Variants in CNTNAP2 observed in about 807,000 individuals in gnomAD.
CNTNAP2 encodes the protein contactin associated protein 2.
In CNTNAP2, 98 loss-of-function variants were observed where a neutral mutation model predicts 155.2. That is an observed-to-expected ratio of 0.63 (90% confidence interval 0.54 to 0.75). The LOEUF (loss-of-function observed/expected upper bound fraction) is 0.75, where lower values mean the gene tolerates loss of function less well. Ranked by LOEUF, CNTNAP2 falls within the 30% of genes least tolerant of loss-of-function variation. The probability of loss-of-function intolerance (pLI) is 0.00; values close to 1 mark genes in which losing one functional copy is unlikely to be tolerated. For synonymous variants in CNTNAP2, 651 were observed against 631.2 expected, an observed-to-expected ratio of 1.03 and a Z score of -0.47; for missense variants, 1,727 against 1,688.1, an observed-to-expected ratio of 1.02 and a Z score of -0.40.
intron 9 of CNTNAP2, among the ~76,000 whole-genome samples, chr7:147,307,651 C>T (rs1035080253): frequency 6.6e-6 from 1 of 152,172 alleles, no homozygotes. Flanking sequence ...AATATAAGTC[C>T]TTAAACTCAA....
At chr7:147,812,238 C>T (rs1383924159) in intron 13 of CNTNAP2, among the ~76,000 whole-genome samples, 2 of 152,028 alleles carry the variant, frequency 1.3e-5, no homozygotes, top group Non-Finnish European at 1.5e-5. Context: ...GGAAGGAGGC[C>T]GGTGTTCAGG....
At chr7:147,256,093 G>A (rs1804318930) in intron 8 of CNTNAP2, among the ~76,000 whole-genome samples, 2 of 152,114 alleles carry the variant, frequency 1.3e-5, no homozygotes, top group South Asian at 4.2e-4. Context: ...AAACTAAGAC[G>A]ATATACTTAG....
At chr7:147,468,704 TTC>T (rs1418435851) in intron 10 of CNTNAP2, among the ~76,000 whole-genome samples, 1 of 152,224 alleles carries the variant, frequency 6.6e-6, no homozygotes, top group Non-Finnish European at 1.5e-5. Context: ...GCCTGAGACA[TTC>T]TCTGTTTCTG....
chr7:147,063,215 A>G (rs964646124), intron 4 of CNTNAP2, among the ~76,000 whole-genome samples: 2 of 152,208 alleles, frequency 1.3e-5, no homozygotes, highest in East Asian at 1.9e-4. Flanking sequence ...TTAAGGTAAC[A>G]TGTACGTTTT....
intron 8 of CNTNAP2, among the ~76,000 whole-genome samples, chr7:147,169,265 T>TA (rs2116472237): frequency 6.6e-6 from 1 of 152,274 alleles, no homozygotes; most frequent in African/African-American, 2.4e-5. Flanking sequence ...AGCTTCAAGT[T>TA]AAAAAAATTT....
In CNTNAP2 at chr7:147,741,547, A is replaced by G. The variant is rs139970583; in HGVS notation, c.2098+102241A>G. Among the ~76,000 whole-genome samples the G allele has an allele frequency of 9.0e-4, 137 of 152,258 alleles. 1 individual carries two copies. The East Asian group carries it at 0.018, about 20-fold the overall frequency. On this transcript the variant is annotated intron_variant, in intron 13 of 23. Coordinates refer to ENST00000361727, the MANE Select transcript of CNTNAP2 (RefSeq NM_014141.6). ...GAGTTTAACCAGAAGTTAATAAACA[A>G]CTCTTTCTTCAGGAAACCTTTGACT...
intron 5 of CNTNAP2, among the ~76,000 whole-genome samples, chr7:147,114,667 A>AT (rs1800949261): frequency 6.6e-6 from 1 of 151,932 alleles, no homozygotes; most frequent in African/African-American, 2.4e-5. Flanking sequence ...TGCTTGGTAC[A>AT]TTTTTCTCCA....
At chr7:146,712,347 T>A (rs1393953864) in intron 1 of CNTNAP2, among the ~76,000 whole-genome samples, 1 of 129,406 alleles carries the variant, frequency 7.7e-6, no homozygotes, top group Non-Finnish European at 1.6e-5. Flanking sequence ...AGTATACATA[T>A]CTTATGTATA....
intron 1 of CNTNAP2, among the ~76,000 whole-genome samples, chr7:146,718,683 T>C (rs1455289183): frequency 6.6e-6 from 1 of 152,190 alleles, no homozygotes; most frequent in Non-Finnish European, 1.5e-5. Flanking sequence ...TAAGGACAGA[T>C]GGTTCTCTCT....
chr7:146,528,901 C>G (rs983526268), intron 1 of CNTNAP2, among the ~76,000 whole-genome samples: 1 of 151,914 alleles, frequency 6.6e-6, no homozygotes. Context: ...GAAGAAAAGG[C>G]CTTAGTTAAA....
At chr7:146,190,804 A>G (rs1798692043) in intron 1 of CNTNAP2, among the ~76,000 whole-genome samples, 1 of 152,192 alleles carries the variant, frequency 6.6e-6, no homozygotes, top group Non-Finnish European at 1.5e-5. Flanking sequence ...TTTTTTAATG[A>G]AAAGAAGAAG....
chr7:147,872,588 C>T (rs1388298613), intron 13 of CNTNAP2, among the ~76,000 whole-genome samples: 1 of 151,984 alleles, frequency 6.6e-6, no homozygotes, highest in Admixed American at 6.5e-5. Context: ...GTGTTTTGGC[C>T]GTAACTTTCT....
At chr7:147,056,421 T>G (rs951398404) in intron 4 of CNTNAP2, among the ~76,000 whole-genome samples, 1 of 152,048 alleles carries the variant, frequency 6.6e-6, no homozygotes, top group African/African-American at 2.4e-5. Context: ...ATAGAAAATA[T>G]AATTATTTCC....
At chr7:146,822,346 A>T (rs1442061464) in intron 2 of CNTNAP2, among the ~76,000 whole-genome samples, 1 of 152,072 alleles carries the variant, frequency 6.6e-6, no homozygotes, top group Non-Finnish European at 1.5e-5. Context: ...GGGGAGTGAT[A>T]GCATTAGGAG....
chr7:146,535,138 A>G lies in CNTNAP2; in HGVS notation c.98-239133A>G. On this transcript the variant is annotated intron_variant, in intron 1 of 23. Coordinates refer to ENST00000361727, the MANE Select transcript of CNTNAP2 (RefSeq NM_014141.6). ...TGATATATATCATATATAATATATTATATTATATCATATATAATATATTAT... is the reference window on the plus strand; with the variant it reads ...TGATATATATCATATATAATATATTGTATTATATCATATATAATATATTAT... 2.4e-4 allele frequency among the ~76,000 whole-genome samples: 2 copies of G among 8,472 alleles called. 1 individual carries two copies. Among genetic ancestry groups the G allele is most frequent in the Non-Finnish European group, 3.2e-4 (2 of 6,314 alleles). The allele number at this position is 8,472 out of a possible 152,430, so 5.6% of individuals were successfully genotyped here. A position where few individuals can be genotyped will look rare whatever the true frequency, so the allele number is the denominator to read the frequency against.
intron 1 of CNTNAP2, among the ~76,000 whole-genome samples, chr7:146,495,552 A>ATTTTT (rs57676970): frequency 7.5e-6 from 1 of 133,454 alleles, no homozygotes. Flanking sequence ...CTAACAGGTC[A>ATTTTT]TTTTTTTTTT....
intron 3 of CNTNAP2, among the ~76,000 whole-genome samples, chr7:146,992,604 C>T (rs1563035377): frequency 6.6e-6 from 1 of 152,052 alleles, no homozygotes; most frequent in Admixed American, 6.6e-5. Context: ...AAGAACTTAC[C>T]GGCTCCACCC....
intron 13 of CNTNAP2, among the ~76,000 whole-genome samples, chr7:147,769,753 G>A (rs114088862): frequency 3.6e-4 from 55 of 152,268 alleles, no homozygotes; most frequent in African/African-American, 1.2e-3. Context: ...GGCAAGATAT[G>A]TATAAGAAAT....
chr7:146,837,703 G>T (rs879854293), intron 2 of CNTNAP2, among the ~76,000 whole-genome samples: 1 of 152,010 alleles, frequency 6.6e-6, no homozygotes, highest in Non-Finnish European at 1.5e-5. Context: ...GTCAAGTTTT[G>T]TTCCATCAAA....
Sources: allele counts gnomAD v4.1 joint callset (sites outside exome capture counted in the v4.1 genomes callset), GRCh38; gene constraint gnomAD v4.1.1; transcripts MANE v1.5; gene names NCBI Gene and HGNC (gene_info 2026-07-23, HGNC 2026-07-21).